LUM: variants seen among roughly 807,000 people sequenced by gnomAD.
The protein encoded by LUM is lumican.
A neutral mutation model predicts 20.5 loss-of-function variants in LUM; 13 were observed. The ratio of observed to expected loss-of-function variants is 0.63; its 90% CI spans 0.41 to 1.01. The LOEUF (loss-of-function observed/expected upper bound fraction) is 1.01. Among genes scored for constraint, LUM ranks in the 50% least tolerant of loss-of-function variants. LUM has a pLI of 0.00. For missense variants in LUM, 321 were observed against 391.1 expected, an observed-to-expected ratio of 0.82 and a Z score of 1.51; for synonymous variants, 173 against 151.5, an observed-to-expected ratio of 1.14 and a Z score of -1.04.
chr12:91,108,810 T>A lies in LUM; in HGVS notation c.170A>T (p.Lys57Ile). The stretch of plus-strand genomic sequence containing the variant: ...AGGCACCATTGGTACACTTTTCAAT[T>A]TCAGCTCATCACAGTACATGGCACT... ...YPSAMYCDEL[K>I]LKSVPMVPPG... is the part of the protein sequence containing the mutation. Residue 57 changes from lysine (K) to isoleucine (I), a missense_variant, in exon 2 of 3, where the codon AAA becomes ATA. By Grantham distance (102) the Lys-to-Ile change is moderately radical. Transcript: ENST00000266718. This position sits in a 1 kb window ranked among gnomAD's most constrained non-coding sequence, Gnocchi z 4.2. 6.2e-7 allele frequency: 1 copy of A among 1,614,086 alleles called. No individual in the cohort carries two copies. Among genetic ancestry groups the A allele is most frequent in the Non-Finnish European group, 8.5e-7 (1 of 1,180,010 alleles).
intron 2 of LUM, among the ~76,000 whole-genome samples, chr12:91,105,821 C>A (rs1461312116): frequency 6.6e-6 from 1 of 152,210 alleles, no homozygotes; most frequent in Non-Finnish European, 1.5e-5. Context: ...TCAAATGTGC[C>A]TACTTCTGTA....
intron 1 of LUM, 72 bp from the exon 2 acceptor site, chr12:91,109,072 A>G: frequency 9.6e-7 from 1 of 1,041,408 alleles, no homozygotes. Flanking sequence ...AATTTGCAAC[A>G]TTAAATTCAT....
At position 91,108,471 on chromosome 12, in the gene LUM, C is replaced by A. The variant is rs368836782; in HGVS notation, c.509G>T (p.Arg170Leu). 5.0e-6 allele frequency: 8 copies of A among 1,613,838 alleles called. No homozygotes were observed. The African/African-American group carries it at 5.3e-5, about 11-fold the overall frequency. ...AGCTGAAACAGCATCCTCTTTCAGC[C>A]GATTGTGCTGGAGATGGATGAAGGT... ...NLTFIHLQHN[R>L]LKEDAVSAAF... Residue 170 changes from arginine (R) to leucine (L), a missense_variant, in exon 2 of 3, where the codon CGG (arginine) becomes CTG (leucine). Transcript: ENST00000266718. The surrounding 1 kb of genome is among the most constrained non-coding windows in gnomAD (Gnocchi z 4.2).
chr12:91,105,640 C>T (rs183091891), intron 2 of LUM, among the ~76,000 whole-genome samples: 3 of 152,180 alleles, frequency 2.0e-5, no homozygotes, highest in African/African-American at 7.2e-5. Flanking sequence ...AGGAGAATAC[C>T]TGACTAAATG....
intron 2 of LUM, among the ~76,000 whole-genome samples, chr12:91,104,824 C>T (rs1879996155): frequency 2.6e-5 from 4 of 152,116 alleles, no homozygotes. Context: ...ATCATTCCAG[C>T]AATCACACAC....
intron 2 of LUM, among the ~76,000 whole-genome samples, chr12:91,107,255 GAAA>G (rs57426051): frequency 0.15 from 9,687 of 63,800 alleles, 1,209 homozygotes; most frequent in African/African-American, 0.18. Context: ...AAGAAAGAAA[GAAA>G]GAAAGAAAGA....
Position 91,108,005 on chromosome 12 carries a change from G to T in LUM, c.862+113C>A, listed in dbSNP as rs1880119527. On this transcript the variant is annotated intron_variant, in intron 2 of 2. Transcript: ENST00000266718. This position sits in a 1 kb window ranked among gnomAD's most constrained non-coding sequence, Gnocchi z 4.2. The stretch of plus-strand genomic sequence containing the variant: ...TGGATTTACAGGAATGAGCCACAGC[G>T]CCCGGGCGACATTTTGTTTTTTTAA... 2.4e-6 allele frequency: 3 copies of T among 1,232,750 alleles called. No individual in the cohort carries two copies. The highest frequency in any genetic ancestry group is 3.6e-6 in the Non-Finnish European group (3 of 839,098). 76.4% of individuals were successfully genotyped at this position (1,232,750 alleles called of 1,614,324 possible).
At chr12:91,107,765 G>A (rs1880114627) in intron 2 of LUM, among the ~76,000 whole-genome samples, 1 of 151,842 alleles carries the variant, frequency 6.6e-6, no homozygotes, top group Non-Finnish European at 1.5e-5. Context: ...GCCCAGGCTT[G>A]AGTACAGTGG....
intron 1 of LUM, among the ~76,000 whole-genome samples, chr12:91,110,468 G>A (rs372455147): frequency 1.9e-4 from 29 of 152,054 alleles, no homozygotes; most frequent in African/African-American, 6.0e-4. Flanking sequence ...TTTAATGGGG[G>A]CATTTAATTT....
chr12:91,107,305 G>GA (rs1491587521), intron 2 of LUM, among the ~76,000 whole-genome samples: 1 of 112,868 alleles, frequency 8.9e-6, no homozygotes, highest in Non-Finnish European at 1.8e-5. Context: ...AAGAAAGAAA[G>GA]AAAGAAAGAA....
At position 91,104,402 on chromosome 12, in the gene LUM, T is replaced by G. The variant is rs562491595; in HGVS notation, c.863-83A>C. On this transcript the variant is annotated intron_variant, in intron 2 of 2. Coordinates refer to ENST00000266718, the MANE Select transcript of LUM (RefSeq NM_002345.4). ...TACAAAAAATTTATGTTTAATATAT[T>G]ATAAAATAGGACCTCTTCCCATTTA... 1.4e-4 allele frequency: 134 copies of G among 929,386 alleles called. 4 individuals are homozygous for G. In the South Asian group the frequency reaches 2.0e-3, roughly 14 times the overall value. 57.6% of individuals were successfully genotyped at this position (929,386 alleles called of 1,614,324 possible).
In LUM at chr12:91,108,786, G is replaced by T. The variant is rs200870507; in HGVS notation, c.194C>A (p.Pro65His). The T allele has an allele frequency of 6.2e-7, 1 of 1,613,988 alleles. No homozygotes were observed. Among genetic ancestry groups the T allele is most frequent in the African/African-American group, 1.3e-5 (1 of 75,022 alleles). ...AAGGTAAAGATACTTGATTCCAGGA[G>T]GCACCATTGGTACACTTTTCAATTT... ...ELKLKSVPMV[P>H]PGIKYLYLRN... The change falls in exon 2 of 3, where the codon CCT becomes CAT. Residue 65 changes from proline (P) to histidine (H), a missense_variant. By Grantham distance (77) the Pro-to-His change is moderately conservative. Coordinates refer to ENST00000266718, the MANE Select transcript of LUM (RefSeq NM_002345.4). The surrounding 1 kb of genome is among the most constrained non-coding windows in gnomAD (Gnocchi z 4.2).
rs1184932015 is a variant in LUM, at chr12:91,104,072, C to T, written c.*93G>A. ...AACATTTCCCTCAGATTTTAAAATT[C>T]ATGGAAGTAATAAACAGTAATAAAA... On this transcript the variant is annotated 3_prime_UTR_variant, in exon 3 of 3. Transcript: ENST00000266718. 9.7e-7 allele frequency: 1 copy of T among 1,033,376 alleles called. No individual in the cohort carries two copies. Among genetic ancestry groups the T allele is most frequent in the African/African-American group, 1.6e-5 (1 of 61,286 alleles). The allele number at this position is 1,033,376 out of a possible 1,614,324, so 64.0% of individuals were successfully genotyped here. A position where few individuals can be genotyped will look rare whatever the true frequency, so the allele number is the denominator to read the frequency against.
At position 91,104,033 on chromosome 12, in the gene LUM, AT is replaced by A. The variant is rs1182983319; in HGVS notation, c.*131del. The A allele has an allele frequency of 2.5e-5, 19 of 747,822 alleles. No individual in the cohort carries two copies. Among genetic ancestry groups the A allele is most frequent in the African/African-American group, 5.3e-5 (3 of 56,330 alleles). 46.3% of individuals were successfully genotyped at this position (747,822 alleles called of 1,614,324 possible). ...GCCTTTCATCTTTTCTTTAAAAAAA[AT>A]AAATGTTTACAAAACATTTCCCTCA... is the stretch of plus-strand genomic sequence containing the variant. On this transcript the variant is annotated 3_prime_UTR_variant, in exon 3 of 3. Transcript: ENST00000266718.
intron 2 of LUM, among the ~76,000 whole-genome samples, 181 bp downstream of exon 2, chr12:91,107,937 A>G (rs561335186): frequency 6.6e-6 from 1 of 151,608 alleles, no homozygotes; most frequent in African/African-American, 2.4e-5. Flanking sequence ...GCTGGTCTCA[A>G]CTCCTGACCT....
intron 2 of LUM, 136 bp downstream of exon 2, chr12:91,107,982 G>T: frequency 9.8e-7 from 1 of 1,015,986 alleles, no homozygotes; most frequent in South Asian, 1.3e-5. Flanking sequence ...CAAAATGCTG[G>T]ATTTACAGGA....
At chr12:91,109,466 C>G (rs1880156134) in intron 1 of LUM, among the ~76,000 whole-genome samples, 1 of 152,070 alleles carries the variant, frequency 6.6e-6, no homozygotes, top group Admixed American at 6.6e-5. Flanking sequence ...ATATGGGCAA[C>G]CTGAGGTTTT....
At chr12:91,105,040 T>A (rs1010460853) in intron 2 of LUM, among the ~76,000 whole-genome samples, 1 of 152,206 alleles carries the variant, frequency 6.6e-6, no homozygotes, top group African/African-American at 2.4e-5. Flanking sequence ...CCTATGTCTA[T>A]TTTAGATTAA....
At chr12:91,106,316 A>G (rs1321868212) in intron 2 of LUM, among the ~76,000 whole-genome samples, 1 of 152,306 alleles carries the variant, frequency 6.6e-6, no homozygotes, top group Non-Finnish European at 1.5e-5. Context: ...GAGATGTTCA[A>G]ATTCAATAGA....
Sources: gnomAD v4.1 joint callset for allele counts (sites outside exome capture counted in the v4.1 genomes callset) on GRCh38, gnomAD v4.1.1 for gene constraint, Gnocchi (gnomAD v3.1) non-coding constraint, MANE v1.5 for transcripts, NCBI Gene and HGNC (gene_info 2026-07-23, HGNC 2026-07-21) for gene names.